A2ML1: variants seen among roughly 807,000 people sequenced by gnomAD.
The protein encoded by A2ML1 is alpha-2-macroglobulin like 1.
In A2ML1, 161 loss-of-function variants were observed where a neutral mutation model predicts 181.9. The observed-to-expected ratio is 0.89, with a 90% confidence interval of 0.78 to 1.01. The LOEUF (loss-of-function observed/expected upper bound fraction) is 1.01, where lower values mean the gene tolerates loss of function less well. Ranked by LOEUF, A2ML1 falls within the 50% of genes least tolerant of loss-of-function variation. The pLI is 0.00. For synonymous variants in A2ML1, 663 were observed against 666.8 expected (o/e 0.99, Z 0.09); for missense variants, 1,670 against 1,768.1 (o/e 0.94, Z 1.00).
chr12:8,829,872 G>C, intron 4 of A2ML1, 93 bp downstream of exon 4: 3 of 1,491,330 alleles, frequency 2.0e-6, no homozygotes, highest in Non-Finnish European at 2.8e-6. Flanking sequence ...CCTGGGCGTG[G>C]CAAGGCGAGG....
At chr12:8,884,347 T>G (rs76758720) in intron 7 of A2ML1, among the ~76,000 whole-genome samples, 1,565 of 151,854 alleles carry the variant, frequency 0.01, 31 homozygotes, top group African/African-American at 0.036. Context: ...GGGGGTTGGT[T>G]GTACAGATTA....
In A2ML1 at chr12:8,857,254, CCAT is replaced by C; in HGVS notation, c.2944_2946del (p.Ile982del). The C allele has an allele frequency of 6.2e-7, 1 of 1,613,426 alleles. No homozygotes were observed. Among genetic ancestry groups the C allele is most frequent in the Non-Finnish European group, 8.5e-7 (1 of 1,179,984 alleles). On this transcript the variant is annotated inframe_deletion, in exon 24 of 36. Coordinates refer to ENST00000299698, the MANE Select transcript of A2ML1 (RefSeq NM_144670.6). ...GAGCAGAACATGGTCTTGTTTGCTC[CCAT>C]CATCTATGTCTTGCAGTACCTGGAG...
intron 3 of A2ML1, among the ~76,000 whole-genome samples, chr12:8,827,913 A>G (rs903042671): frequency 2.0e-5 from 3 of 152,208 alleles, no homozygotes; most frequent in Non-Finnish European, 4.4e-5. Context: ...ATTCCAGATT[A>G]CCAGGAGGAG....
intron 29 of A2ML1, among the ~76,000 whole-genome samples, chr12:8,866,210 C>T (rs1333627461): frequency 1.4e-5 from 2 of 143,216 alleles, no homozygotes; most frequent in Non-Finnish European, 3.0e-5. Flanking sequence ...GAGGCTGAGG[C>T]AGGAGAATGG....
In A2ML1 at chr12:8,851,904, T is replaced by C. The variant is rs1465159321; in HGVS notation, c.2355T>C (p.Thr785=). The change falls in exon 19 of 36, where the codon ACT becomes ACC. Residue 785 remains threonine, a synonymous_variant. Coordinates refer to ENST00000299698, the MANE Select transcript of A2ML1 (RefSeq NM_144670.6). ...GFGLSPTVGL[T]AFKPFFVDLT... is the part of the protein sequence containing the mutation. ...GGCTTTCACCCACTGTTGGACTAAC[T>C]GCTTTCAAGCCGTTCTTTGTTGACC... The C allele has an allele frequency of 1.9e-6, 3 of 1,614,220 alleles. No individual in the cohort carries two copies. The highest frequency in any genetic ancestry group is 8.5e-7 in the Non-Finnish European group (1 of 1,180,032).
chr12:8,832,758 G>T (rs1248862505), intron 4 of A2ML1, among the ~76,000 whole-genome samples: 1 of 152,048 alleles, frequency 6.6e-6, no homozygotes, highest in Non-Finnish European at 1.5e-5. Context: ...TGAGAGGAGT[G>T]GAACTGCTTA....
chr12:8,868,918 A>G (rs1381398075), intron 32 of A2ML1, among the ~76,000 whole-genome samples: 1 of 152,160 alleles, frequency 6.6e-6, no homozygotes, highest in East Asian at 1.9e-4. Context: ...GTGTGCATAT[A>G]TGTATATATT....
At chr12:8,847,776 G>C (rs1157808781) in intron 15 of A2ML1, 78 bp downstream of exon 15, 1 of 1,525,962 alleles carries the variant, frequency 6.6e-7, no homozygotes, top group Non-Finnish European at 8.8e-7. Context: ...TCAGGCAGGG[G>C]AGAGAAAGTC....
downstream of A2ML1, among the ~76,000 whole-genome samples, chr12:8,878,162 G>C (rs1944832945): frequency 6.6e-6 from 1 of 152,152 alleles, no homozygotes; most frequent in African/African-American, 2.4e-5. The surrounding 1 kb of genome is among the most constrained non-coding windows in gnomAD (Gnocchi z 4.4). Flanking sequence ...ACCTAGCAGG[G>C]TGTGGTGGCA....
intron 20 of A2ML1, among the ~76,000 whole-genome samples, chr12:8,853,763 C>T (rs901863260): frequency 6.6e-6 from 1 of 152,152 alleles, no homozygotes; most frequent in African/African-American, 2.4e-5. Flanking sequence ...AAAAGGGGTG[C>T]ACCCAAGATG....
intron 7 of A2ML1, chr12:8,886,506 G>T (rs1343431167): frequency 6.6e-6 from 1 of 152,044 alleles, no homozygotes; most frequent in East Asian, 1.9e-4. Context: ...TTTTTCCTTA[G>T]GTTCTTTTAA....
At chr12:8,835,375 TG>T in intron 5 of A2ML1, 131 bp from the exon 6 acceptor site, 2 of 1,081,606 alleles carry the variant, frequency 1.8e-6, no homozygotes, top group Non-Finnish European at 2.7e-6. Flanking sequence ...CTGCTCTTCC[TG>T]GACACAGACC....
Position 8,823,261 on chromosome 12 carries a change from A to G in A2ML1, c.142A>G (p.Ser48Gly), listed in dbSNP as rs367999763. The part of the protein sequence containing the change: ...KVCLDLSPGY[S>G]DVKFTVTLET... ...TTGTTTGGACCTGAGCCCTGGGTAC[A>G]GTGATGTTAAATTCACGGTTACTCT... Residue 48 changes from serine (S) to glycine (G), a missense_variant, in exon 2 of 36, where the codon AGT (serine) becomes GGT (glycine). Physicochemically the swap from Ser to Gly is moderately conservative, Grantham distance 56. Transcript: ENST00000299698. 2.5e-6 allele frequency: 4 copies of G among 1,614,142 alleles called. No individual in the cohort carries two copies. The highest frequency in any genetic ancestry group is 1.7e-5 in the Admixed American group (1 of 60,018).
chr12:8,831,198 C>T (rs1437648091), intron 4 of A2ML1, among the ~76,000 whole-genome samples: 1 of 152,138 alleles, frequency 6.6e-6, no homozygotes, highest in Non-Finnish European at 1.5e-5. Flanking sequence ...TGGCCTCTCT[C>T]GCTTTGGTCT....
chr12:8,865,317 A>G lies in A2ML1; in HGVS notation c.3717+1309A>G, dbSNP rs1394081472. Among the ~76,000 whole-genome samples, 15 of 150,022 alleles carry G rather than the reference A, an allele frequency of 1.0e-4. No individual in the cohort carries two copies. In the South Asian group the frequency reaches 3.2e-3, roughly 32 times the overall value. ...TGCTTTGGGAGGCCGAGGCAGGCGGATCACCTGAGGTCGGGAGTTCGAGAC... is the reference window on the plus strand; with the variant it reads ...TGCTTTGGGAGGCCGAGGCAGGCGGGTCACCTGAGGTCGGGAGTTCGAGAC... On this transcript the variant is annotated intron_variant, in intron 29 of 35. Coordinates refer to ENST00000299698, the MANE Select transcript of A2ML1 (RefSeq NM_144670.6).
rs978713840 is a variant in A2ML1 at position 8,845,573 on chromosome 12, C to T, written c.1537+71C>T. 65 of 1,524,860 alleles carry T rather than the reference C, an allele frequency of 4.3e-5. No homozygotes were observed. In the South Asian group the frequency reaches 5.2e-4, roughly 12 times the overall value. 94.5% of individuals were successfully genotyped at this position (1,524,860 alleles called of 1,614,324 possible). On this transcript the variant is annotated intron_variant, in intron 13 of 35. Transcript: ENST00000299698. ...TTCCAGAAAACAATTCTTGGCCAGG[C>T]GCGGTGGCTCATGCCTGTAATCCCA...
rs116951956 is a variant in A2ML1 at position 8,826,228 on chromosome 12, A to T, written c.409+2346A>T. Among the ~76,000 whole-genome samples, 344 of 152,300 alleles carry T rather than the reference A, an allele frequency of 2.3e-3. 2 individuals are homozygous for T. The highest frequency in any genetic ancestry group is 3.9e-3 in the Non-Finnish European group (266 of 68,028). ...GTAGTACGGAATTTTAACAATATCA[A>T]TTCTTCCAATCCAGAAACATGAAAT... On this transcript the variant is annotated intron_variant, in intron 3 of 35. Transcript: ENST00000299698.
Position 8,863,931 on chromosome 12 carries a change from G to GAGAT in A2ML1, c.3643_3646dup (p.Ala1216AspfsTer6). ...TACCAAGCCCAGCCTGACTCAAAAG[G>GAGAT]AGATAGCGAAGGCCACTAGCATAGT... is the stretch of plus-strand genomic sequence containing the variant. On this transcript the variant is annotated frameshift_variant, in exon 29 of 36. Transcript: ENST00000299698. LOFTEE classifies it high-confidence loss of function. The GAGAT allele has an allele frequency of 1.2e-6, 2 of 1,614,062 alleles. No homozygotes were observed. Among genetic ancestry groups the GAGAT allele is most frequent in the Non-Finnish European group, 1.7e-6 (2 of 1,180,022 alleles).
Position 8,867,859 on chromosome 12 carries a change from C to G in A2ML1, c.3735C>G (p.Leu1245=). The G allele has an allele frequency of 6.2e-7, 1 of 1,614,226 alleles. No homozygotes were observed. The highest frequency in any genetic ancestry group is 1.3e-5 in the African/African-American group (1 of 75,052). ...TCCCTCAGGATACTGTAGTTGCTCTCCAAGCTCTTGCCAAATATGCCACTA... is the reference window on the plus strand; with the variant it reads ...TCCCTCAGGATACTGTAGTTGCTCTGCAAGCTCTTGCCAAATATGCCACTA... ...FSSTQDTVVA[L]QALAKYATTA... Residue 1245 remains leucine (L), a synonymous_variant, in exon 30 of 36, where the codon CTC becomes CTG. Transcript: ENST00000299698.
Sources: gnomAD v4.1 joint callset for allele counts (sites outside exome capture counted in the v4.1 genomes callset) on GRCh38, gnomAD v4.1.1 for gene constraint, Gnocchi (gnomAD v3.1) non-coding constraint, MANE v1.5 for transcripts, NCBI Gene and HGNC (gene_info 2026-07-23, HGNC 2026-07-21) for gene names.